DDC: variants seen among roughly 807,000 people sequenced by gnomAD.
DDC encodes the protein dopa decarboxylase, also known as aromatic-L-amino-acid decarboxylase.
A neutral mutation model predicts 60.0 loss-of-function variants in DDC; 43 were observed. The ratio of observed to expected loss-of-function variants is 0.72; its 90% CI spans 0.56 to 0.92. The LOEUF is 0.92. Ranked by LOEUF, DDC falls within the 40% of genes least tolerant of loss-of-function variation. The pLI, the probability that DDC is intolerant of heterozygous loss-of-function variation, is 0.00. For missense variants in DDC, 573 were observed against 620.2 expected (o/e 0.92, Z 0.81); for synonymous variants, 232 against 234.6 (o/e 0.99, Z 0.10).
intron 6 of DDC, among the ~76,000 whole-genome samples, chr7:50,504,605 A>ATG (rs1182508739): frequency 6.6e-6 from 1 of 151,582 alleles, no homozygotes; most frequent in Non-Finnish European, 1.5e-5. Context: ...CTATATATAT[A>ATG]TGTGTGTGTA....
intron 4 of DDC, among the ~76,000 whole-genome samples, chr7:50,532,469 T>C (rs2153546854): frequency 6.6e-6 from 1 of 152,372 alleles, no homozygotes; most frequent in Non-Finnish European, 1.5e-5. Context: ...AGGGATGAGC[T>C]GGTGTAACAG....
At chr7:50,508,922 A>G (rs1458318906) in intron 6 of DDC, among the ~76,000 whole-genome samples, 1 of 152,154 alleles carries the variant, frequency 6.6e-6, no homozygotes, top group South Asian at 2.1e-4. Context: ...TGTACGCTGC[A>G]GCCCTCTTCC....
chr7:50,463,511 C>T, intron 13 of DDC, 80 bp from the exon 14 acceptor site: 2 of 1,186,518 alleles, frequency 1.7e-6, no homozygotes, highest in Non-Finnish European at 2.5e-6. Context: ...AAAGACAGTG[C>T]TTGGCAACCC....
chr7:50,534,116 G>A (rs1310547506), intron 4 of DDC, among the ~76,000 whole-genome samples: 1 of 152,160 alleles, frequency 6.6e-6, no homozygotes, highest in African/African-American at 2.4e-5. Flanking sequence ...AGGATGTTCC[G>A]AGGTCAGTTC....
Position 50,458,672 on chromosome 7 carries a change from C to T in DDC, c.*190G>A, listed in dbSNP as rs1330547641. ...CCATGAAGATTAACTTTTTAATTAGCAAATAATATTTCTTTGTTGATGAGA... is the reference window on the plus strand; with the variant it reads ...CCATGAAGATTAACTTTTTAATTAGTAAATAATATTTCTTTGTTGATGAGA... On this transcript the variant is annotated 3_prime_UTR_variant, in exon 15 of 15. Transcript: ENST00000444124. 6.6e-6 allele frequency: 1 copy of T among 152,156 alleles called. No homozygotes were observed. 9.4% of individuals were successfully genotyped at this position (152,156 alleles called of 1,614,324 possible).
chr7:50,549,568 G>T (rs990447575), intron 1 of DDC, among the ~76,000 whole-genome samples: 3 of 151,820 alleles, frequency 2.0e-5, no homozygotes, highest in African/African-American at 7.3e-5. Flanking sequence ...GCAACAGAAT[G>T]GCATGAACCT....
At chr7:50,496,119 G>T (rs1292511245) in intron 8 of DDC, among the ~76,000 whole-genome samples, 2 of 151,326 alleles carry the variant, frequency 1.3e-5, no homozygotes, top group Non-Finnish European at 2.9e-5. Context: ...GAGCGACAGG[G>T]TCTTACTTTG....
rs929059191 is a variant in DDC, at chr7:50,470,246, G to A, written c.1042-75C>T. The stretch of plus-strand genomic sequence containing the variant: ...GGCTTCCTTTTCGGCTCACCGGCTC[G>A]CCTATTTCTCTTGGAGGCAGCCGAT... On this transcript the variant is annotated intron_variant, in intron 11 of 14. Coordinates refer to ENST00000444124, the MANE Select transcript of DDC (RefSeq NM_001082971.2). 10 of 1,122,428 alleles carry A rather than the reference G, an allele frequency of 8.9e-6. No homozygotes were observed. The Admixed American group carries it at 1.0e-4, about 11-fold the overall frequency. The allele number at this position is 1,122,428 out of a possible 1,614,324, so 69.5% of individuals were successfully genotyped here. A position where few individuals can be genotyped will look rare whatever the true frequency, so the allele number is the denominator to read the frequency against.
chr7:50,554,948 G>A (rs1013514742), intron 1 of DDC, among the ~76,000 whole-genome samples: 3 of 152,112 alleles, frequency 2.0e-5, no homozygotes, highest in Admixed American at 1.3e-4. Context: ...CAGAGAACTC[G>A]GCTTGCGTCT....
At chr7:50,483,014 T>TA (rs201588856) in intron 9 of DDC, among the ~76,000 whole-genome samples, 1 of 150,682 alleles carries the variant, frequency 6.6e-6, no homozygotes, top group Non-Finnish European at 1.5e-5. Context: ...TTTTTTTTTT[T>TA]AAATTATTAT....
chr7:50,463,327 G>A lies in DDC; in HGVS notation c.1347C>T (p.Ala449=). ...CAGATTCCACCGTGCGAGAACAGAT[G>A]GCAAAGCGCAGGACAAACTTGTCCC... ...HLRDKFVLRF[A]ICSRTVESAH... The change falls in exon 14 of 15, where the codon GCC becomes GCT. Residue 449 remains alanine, a synonymous_variant. Coordinates refer to ENST00000444124, the MANE Select transcript of DDC (RefSeq NM_001082971.2). 6.2e-7 allele frequency: 1 copy of A among 1,614,234 alleles called. No individual in the cohort carries two copies. Among genetic ancestry groups the A allele is most frequent in the Non-Finnish European group, 8.5e-7 (1 of 1,180,050 alleles).
intron 1 of DDC, among the ~76,000 whole-genome samples, chr7:50,551,514 T>C (rs1014150058): frequency 3.9e-5 from 6 of 152,206 alleles, no homozygotes; most frequent in African/African-American, 1.4e-4. Flanking sequence ...ATTACAGGCG[T>C]GAGCCACCGC....
chr7:50,550,096 G>A (rs58537381), intron 1 of DDC, among the ~76,000 whole-genome samples: 1 of 152,144 alleles, frequency 6.6e-6, no homozygotes, highest in East Asian at 1.9e-4. Flanking sequence ...TGCTACAGAG[G>A]CATCCTTCAT....
At chr7:50,522,327 T>C (rs2043915905) in intron 6 of DDC, among the ~76,000 whole-genome samples, 1 of 152,314 alleles carries the variant, frequency 6.6e-6, no homozygotes, top group South Asian at 2.1e-4. Flanking sequence ...CTCAATATCA[T>C]CAAGATGTCA....
intron 6 of DDC, among the ~76,000 whole-genome samples, chr7:50,507,020 AAG>A (rs1391353810): frequency 1.3e-5 from 2 of 152,226 alleles, no homozygotes; most frequent in African/African-American, 4.8e-5. Flanking sequence ...CACTTTGTCT[AAG>A]ACACCTGGCT....
chr7:50,563,655 G>A (rs2045383858), intron 1 of DDC, among the ~76,000 whole-genome samples: 1 of 152,110 alleles, frequency 6.6e-6, no homozygotes, highest in African/African-American at 2.4e-5. Flanking sequence ...AGGCTGAAGT[G>A]CAGTGACTCG....
At chr7:50,485,243 A>G (rs2042857463) in intron 9 of DDC, among the ~76,000 whole-genome samples, 1 of 152,212 alleles carries the variant, frequency 6.6e-6, no homozygotes, top group Admixed American at 6.5e-5. Flanking sequence ...TAAGCTCTGG[A>G]CAGAATGGCT....
chr7:50,459,453 A>G (rs555566338), intron 14 of DDC, among the ~76,000 whole-genome samples: 3 of 143,972 alleles, frequency 2.1e-5, no homozygotes, highest in Admixed American at 6.9e-5. Flanking sequence ...CTGCCTGGCT[A>G]CCCAGTCTGG....
rs558336848 is a variant in DDC, at chr7:50,504,161, G to A, written c.715-102C>T. On this transcript the variant is annotated intron_variant, in intron 6 of 14. Transcript: ENST00000444124. ...GCCCCATGGTCCAACCTGGGGCCAT[G>A]AGCCGAGATCCCAATGAATGTCTGC... 1.5e-4 allele frequency: 124 copies of A among 809,708 alleles called. 1 individual carries two copies. The African/African-American group carries it at 2.0e-3, about 13-fold the overall frequency. The allele number at this position is 809,708 out of a possible 1,614,324, so 50.2% of individuals were successfully genotyped here.
Sources: gnomAD v4.1 joint callset for allele counts (sites outside exome capture counted in the v4.1 genomes callset) on GRCh38, gnomAD v4.1.1 for gene constraint, MANE v1.5 for transcripts, NCBI Gene and HGNC (gene_info 2026-07-23, HGNC 2026-07-21) for gene names.